Variants in TEX14 observed in about 807,000 individuals in gnomAD.
TEX14 encodes inactive serine/threonine-protein kinase TEX14.
TEX14 carries 168 observed loss-of-function variants against 178.6 expected under a neutral mutation model. The observed-to-expected ratio is 0.94, with a 90% confidence interval of 0.83 to 1.07. The LOEUF (loss-of-function observed/expected upper bound fraction) is 1.07. Ranked by LOEUF, TEX14 falls within the 50% of genes least tolerant of loss-of-function variation. TEX14 has a pLI of 0.00. For synonymous variants in TEX14, 626 were observed against 634.1 expected (o/e 0.99, Z 0.19); for missense variants, 1,730 against 1,753.6 (o/e 0.99, Z 0.24).
At position 58,615,214 on chromosome 17, in the gene TEX14, C is replaced by T. The variant is rs957694164; in HGVS notation, c.881+18G>A. Reference sequence around the variant, plus strand: ...AGAGAGACCTGGACCTATAAGGGGCCTTGGGCTTCCTTCTCACCTGCTGTG... The same window carrying T: ...AGAGAGACCTGGACCTATAAGGGGCTTTGGGCTTCCTTCTCACCTGCTGTG... On this transcript the variant is annotated intron_variant, in intron 8 of 31. Coordinates refer to ENST00000349033, the MANE Select transcript of TEX14 (RefSeq NM_031272.5). 18 of 1,532,984 alleles carry T rather than the reference C, an allele frequency of 1.2e-5. No individual in the cohort carries two copies. Among genetic ancestry groups the T allele is most frequent in the Middle Eastern group, 3.4e-4 (2 of 5,848 alleles). The allele number at this position is 1,532,984 out of a possible 1,614,324, so 95.0% of individuals were successfully genotyped here.
chr17:58,678,887 C>T (rs1298115260), intron 1 of TEX14, among the ~76,000 whole-genome samples: 1 of 151,262 alleles, frequency 6.6e-6, no homozygotes, highest in Non-Finnish European at 1.5e-5. Context: ...GGCGCCGTGG[C>T]TCACACCTGT....
chr17:58,593,892 T>A (rs910972756), intron 14 of TEX14, among the ~76,000 whole-genome samples: 3 of 152,156 alleles, frequency 2.0e-5, no homozygotes, highest in African/African-American at 7.2e-5. Flanking sequence ...TGGAGTGCAG[T>A]GGCAAGATCC....
At chr17:58,588,911 A>G (rs2045049056) in intron 15 of TEX14, among the ~76,000 whole-genome samples, 1 of 152,158 alleles carries the variant, frequency 6.6e-6, no homozygotes, top group South Asian at 2.1e-4. Context: ...GAAAAAAAAT[A>G]AACAAATAAA....
chr17:58,604,843 G>C lies in TEX14; in HGVS notation c.1336+135C>G, dbSNP rs1474868016. ...CCCAAAGTGCTGGGATTACAGGCGT[G>C]AGCCACTGCTCCCAGCCAAGAAGTC... On this transcript the variant is annotated intron_variant, in intron 11 of 31. Coordinates refer to ENST00000349033, the MANE Select transcript of TEX14 (RefSeq NM_031272.5). The C allele has an allele frequency of 1.2e-5, 12 of 1,003,254 alleles. No homozygotes were observed. The Admixed American group carries it at 2.5e-4, about 21-fold the overall frequency. 62.1% of individuals were successfully genotyped at this position (1,003,254 alleles called of 1,614,324 possible).
At chr17:58,560,275 A>C (rs1489424706) in intron 29 of TEX14, among the ~76,000 whole-genome samples, 1 of 152,222 alleles carries the variant, frequency 6.6e-6, no homozygotes, top group Non-Finnish European at 1.5e-5. Context: ...AATACGTAAA[A>C]TGAGAGAGAA....
chr17:58,650,585 A>G lies in TEX14; in HGVS notation c.136+1281T>C, dbSNP rs12602733. Among the ~76,000 whole-genome samples the G allele has an allele frequency of 5.4e-4, 82 of 152,146 alleles. 2 individuals carry two copies. The East Asian group carries it at 0.015, about 28-fold the overall frequency. On this transcript the variant is annotated intron_variant, in intron 2 of 31. Transcript: ENST00000349033. ...TCAGCCTCCTGGTGTGGTGGACTATAGGCATGCGCTACCATGCGTGTAGTG... is the reference window on the plus strand; with the variant it reads ...TCAGCCTCCTGGTGTGGTGGACTATGGGCATGCGCTACCATGCGTGTAGTG...
At chr17:58,671,124 T>C (rs1198754251) in intron 1 of TEX14, among the ~76,000 whole-genome samples, 1 of 152,200 alleles carries the variant, frequency 6.6e-6, no homozygotes, top group East Asian at 1.9e-4. Flanking sequence ...AGCTACATCC[T>C]GGGTAATTTT....
In TEX14 at chr17:58,588,019, T is replaced by A. The variant is rs915436991; in HGVS notation, c.2579A>T (p.Gln860Leu). ...GGCAGTGGACTCTCTAGGTCTTCCC[T>A]GGCTAAGAAATGAAAGGACTGAGCT... Reference protein sequence around the residue: ...ETSRIQNTSSQGRPRESTAQA... With the variant: ...ETSRIQNTSSLGRPRESTAQA... Residue 860 changes from glutamine (Q) to leucine (L), a missense_variant and splice_region_variant, in exon 16 of 32, where the codon CAG (glutamine) becomes CTG (leucine). Transcript: ENST00000349033. 2.7e-6 allele frequency: 3 copies of A among 1,101,450 alleles called. No homozygotes were observed. In the African/African-American group the frequency reaches 4.6e-5, roughly 17 times the overall value. The allele number at this position is 1,101,450 out of a possible 1,614,324, so 68.2% of individuals were successfully genotyped here.
Position 58,585,855 on chromosome 17 carries a change from T to A in TEX14, c.3016A>T (p.Asn1006Tyr), listed in dbSNP as rs746649910. The A allele has an allele frequency of 6.2e-7, 1 of 1,614,070 alleles. No individual in the cohort carries two copies. The highest frequency in any genetic ancestry group is 1.3e-5 in the African/African-American group (1 of 75,016). ...CCATGCTGGTCACTGTCACAGTCAT[T>A]GTTGCCCGTCTTGTCAAACTTGCCA... Reference protein sequence around the residue: ...GNGKFDKTGNNDCDSDQHGRQ... With the variant: ...GNGKFDKTGNYDCDSDQHGRQ... The change falls in exon 18 of 32, where the codon AAT becomes TAT. Residue 1006 changes from asparagine (N) to tyrosine (Y), a missense_variant. Around this residue, in one of 2 missense-constraint regions of TEX14, gnomAD observed 941 missense variants for 1,072.4 expected, o/e 0.88. Transcript: ENST00000349033.
chr17:58,565,713 A>G (rs1237860648), intron 27 of TEX14, 34 bp downstream of exon 27: 1 of 1,525,280 alleles, frequency 6.6e-7, no homozygotes, highest in Non-Finnish European at 9.0e-7. Flanking sequence ...GCGTTAAAAG[A>G]ACCTGATGAA....
intron 21 of TEX14, among the ~76,000 whole-genome samples, chr17:58,576,178 T>G (rs1197159434): frequency 1.3e-5 from 2 of 152,338 alleles, no homozygotes; most frequent in Middle Eastern, 6.8e-3. Flanking sequence ...TAGATTCACA[T>G]GCAATTGTAA....
intron 8 of TEX14, among the ~76,000 whole-genome samples, chr17:58,614,198 G>A (rs2045816429): frequency 6.6e-6 from 1 of 152,006 alleles, no homozygotes; most frequent in African/African-American, 2.4e-5. Context: ...CAACATCAAG[G>A]AAATGTCAGG....
intron 1 of TEX14, among the ~76,000 whole-genome samples, chr17:58,682,700 T>C (rs1480178760): frequency 6.6e-6 from 1 of 152,192 alleles, no homozygotes; most frequent in Non-Finnish European, 1.5e-5. Context: ...CTTAAGTGGC[T>C]CATGAATCCT....
chr17:58,642,936 T>G (rs1054555770), intron 2 of TEX14, among the ~76,000 whole-genome samples: 1 of 152,202 alleles, frequency 6.6e-6, no homozygotes, highest in Non-Finnish European at 1.5e-5. Flanking sequence ...GTGTCCCTAA[T>G]CATCCTTGTA....
chr17:58,646,590 C>T (rs1022416355), intron 2 of TEX14, among the ~76,000 whole-genome samples: 3 of 152,184 alleles, frequency 2.0e-5, no homozygotes, highest in African/African-American at 4.8e-5. Context: ...CCTCAGTCTG[C>T]AAGTAGCTAG....
chr17:58,629,272 G>A (rs1318552681), intron 3 of TEX14, among the ~76,000 whole-genome samples: 1 of 151,790 alleles, frequency 6.6e-6, no homozygotes, highest in Non-Finnish European at 1.5e-5. Flanking sequence ...GGCCAACATG[G>A]CAACACCCTG....
rs544993712 is a variant in TEX14 at position 58,688,807 on chromosome 17, C to CG, written c.-2+3131dup. Among the ~76,000 whole-genome samples the CG allele has an allele frequency of 4.8e-3, 731 of 151,742 alleles. 4 individuals are homozygous for CG. Among genetic ancestry groups the CG allele is most frequent in the South Asian group, 0.013 (62 of 4,788 alleles). On this transcript the variant is annotated intron_variant, in intron 1 of 31. Coordinates refer to ENST00000349033, the MANE Select transcript of TEX14 (RefSeq NM_031272.5). ...TGCAAGAAAAACCAAAACATATTCC[C>CG]GGGGGGGGTTTGGGAGATTACTGAA...
chr17:58,577,353 A>C lies in TEX14; in HGVS notation c.3320+22T>G, dbSNP rs193148677. ...ATTGCATCTATGAGTTTGAAACTGC[A>C]TAAGATAATAATAGCCCATACCTTC... On this transcript the variant is annotated intron_variant, in intron 21 of 31. Transcript: ENST00000349033. The C allele has an allele frequency of 3.4e-5, 37 of 1,098,424 alleles. No individual in the cohort carries two copies. In the African/African-American group the frequency reaches 5.9e-4, roughly 18 times the overall value. 68.0% of individuals were successfully genotyped at this position (1,098,424 alleles called of 1,614,324 possible).
chr17:58,656,279 T>G (rs893609669), intron 1 of TEX14, among the ~76,000 whole-genome samples: 3 of 152,038 alleles, frequency 2.0e-5, no homozygotes, highest in African/African-American at 7.2e-5. Context: ...CCCCCATCTG[T>G]ACTAAAAATA....
Sources: allele counts gnomAD v4.1 joint callset (sites outside exome capture counted in the v4.1 genomes callset), GRCh38; gene constraint gnomAD v4.1.1; regional missense constraint gnomAD v4.1.1; transcripts MANE v1.5; gene names NCBI Gene and HGNC (gene_info 2026-07-23, HGNC 2026-07-21).